NXPH1: variants seen among roughly 807,000 people sequenced by gnomAD.
NXPH1 encodes neurexophilin 1.
In NXPH1, 5 loss-of-function variants were observed where a neutral mutation model predicts 23.7. That is an observed-to-expected ratio of 0.21 (90% CI 0.11 to 0.44). The LOEUF is 0.44. NXPH1 is among the 20% of genes least tolerant of loss of function. The probability of loss-of-function intolerance (pLI) is 0.99; values close to 1 mark genes in which losing one functional copy is unlikely to be tolerated. For missense variants in NXPH1, 324 were observed against 321.6 expected, an observed-to-expected ratio of 1.01 and a Z score of -0.06; for synonymous variants, 144 against 122.2, an observed-to-expected ratio of 1.18 and a Z score of -1.18.
chr7:8,657,483 A>G (rs1279141277), intron 2 of NXPH1, among the ~76,000 whole-genome samples: 2 of 152,202 alleles, frequency 1.3e-5, no homozygotes, highest in African/African-American at 4.8e-5. Context: ...GCGAAAGTAG[A>G]GAAGCCCTGG....
intron 2 of NXPH1, among the ~76,000 whole-genome samples, chr7:8,466,352 G>C (rs924503502): frequency 6.6e-6 from 1 of 152,200 alleles, no homozygotes; most frequent in African/African-American, 2.4e-5. Context: ...ACATCAATTG[G>C]TATGGGAACG....
At chr7:8,502,113 T>C (rs1241454362) in intron 2 of NXPH1, among the ~76,000 whole-genome samples, 1 of 152,062 alleles carries the variant, frequency 6.6e-6, no homozygotes, top group Non-Finnish European at 1.5e-5. Context: ...TGTGGAACCG[T>C]GTGTAAGTCA....
intron 2 of NXPH1, among the ~76,000 whole-genome samples, chr7:8,504,555 C>A (rs1817490609): frequency 6.6e-6 from 1 of 152,034 alleles, no homozygotes; most frequent in African/African-American, 2.4e-5. Context: ...TTAGTCATGG[C>A]TGGGACATGT....
chr7:8,530,936 T>C (rs1401905409), intron 2 of NXPH1, among the ~76,000 whole-genome samples: 2 of 152,232 alleles, frequency 1.3e-5, no homozygotes, highest in Non-Finnish European at 2.9e-5. Context: ...GAGGTATATT[T>C]ATTCTGGGAT....
intron 2 of NXPH1, among the ~76,000 whole-genome samples, chr7:8,530,714 G>A (rs947013467): frequency 1.3e-5 from 2 of 152,186 alleles, no homozygotes; most frequent in African/African-American, 4.8e-5. Flanking sequence ...TGCCATGCAG[G>A]CCCTTGCCCA....
intron 2 of NXPH1, among the ~76,000 whole-genome samples, chr7:8,706,084 C>A (rs190214170): frequency 2.0e-5 from 3 of 152,138 alleles, no homozygotes; most frequent in African/African-American, 7.2e-5. Flanking sequence ...TCTTAAAAAC[C>A]CTTATAGGAG....
At chr7:8,460,237 A>G (rs949686886) in intron 2 of NXPH1, among the ~76,000 whole-genome samples, 1 of 152,156 alleles carries the variant, frequency 6.6e-6, no homozygotes, top group African/African-American at 2.4e-5. Context: ...AAAAAATTTT[A>G]CCTGAAATTT....
chr7:8,681,649 C>A (rs529851583), intron 2 of NXPH1, among the ~76,000 whole-genome samples: 1 of 152,162 alleles, frequency 6.6e-6, no homozygotes, highest in Non-Finnish European at 1.5e-5. Context: ...ACAGTCATAT[C>A]TAAATTTTGA....
intron 2 of NXPH1, among the ~76,000 whole-genome samples, chr7:8,574,447 T>C (rs1016345326): frequency 2.0e-5 from 3 of 152,050 alleles, no homozygotes; most frequent in Admixed American, 2.0e-4. Flanking sequence ...TATGGAGCCA[T>C]TACAGATTCA....
chr7:8,540,439 C>T (rs1308518589), intron 2 of NXPH1, among the ~76,000 whole-genome samples: 2 of 151,832 alleles, frequency 1.3e-5, no homozygotes, highest in Non-Finnish European at 1.5e-5. Context: ...GAAAAATAAA[C>T]AAGGTGAGCC....
In NXPH1 at chr7:8,442,938, C is replaced by T. The variant is rs1478522019; in HGVS notation, c.54+7171C>T. ...GCTATAAGATTTGATCGCGGGCAGGCGGGCGTGGGGCACGCCAGGGCCGGG... is the reference window on the plus strand; with the variant it reads ...GCTATAAGATTTGATCGCGGGCAGGTGGGCGTGGGGCACGCCAGGGCCGGG... On this transcript the variant is annotated intron_variant, in intron 2 of 2. Coordinates refer to ENST00000405863, the MANE Select transcript of NXPH1 (RefSeq NM_152745.3). The surrounding 1 kb of genome is among the most constrained non-coding windows in gnomAD (Gnocchi z 4.6). Among the ~76,000 whole-genome samples, 3 of 152,244 alleles carry T rather than the reference C, an allele frequency of 2.0e-5. No individual in the cohort carries two copies. The highest frequency in any genetic ancestry group is 4.4e-5 in the Non-Finnish European group (3 of 68,038).
rs1248838148 is a variant in NXPH1 at position 8,751,888 on chromosome 7, C to A, written c.*119C>A. On this transcript the variant is annotated 3_prime_UTR_variant, in exon 3 of 3. Transcript: ENST00000405863. The surrounding 1 kb of genome is among the most constrained non-coding windows in gnomAD (Gnocchi z 4.5). ...AATGTGTCTACACTGCTGCTCTTGT[C>A]AACTGGCTGCAAAATACACTAGTGG... The A allele has an allele frequency of 7.6e-6, 7 of 925,384 alleles. No individual in the cohort carries two copies. Among genetic ancestry groups the A allele is most frequent in the Non-Finnish European group, 1.1e-5 (7 of 637,200 alleles). The allele number at this position is 925,384 out of a possible 1,614,324, so 57.3% of individuals were successfully genotyped here. A position where few individuals can be genotyped will look rare whatever the true frequency, so the allele number is the denominator to read the frequency against.
chr7:8,493,645 T>C (rs888395158), intron 2 of NXPH1, among the ~76,000 whole-genome samples: 1 of 152,072 alleles, frequency 6.6e-6, no homozygotes, highest in Admixed American at 6.6e-5. Context: ...AGAAGAAAAT[T>C]AATTGCCTAC....
At chr7:8,618,408 C>T (rs185973052) in intron 2 of NXPH1, among the ~76,000 whole-genome samples, 22 of 152,264 alleles carry the variant, frequency 1.4e-4, no homozygotes, top group African/African-American at 5.1e-4. Context: ...AGCATCAACA[C>T]TGTGCTAAGA....
chr7:8,671,409 C>CT (rs1562449858), intron 2 of NXPH1, among the ~76,000 whole-genome samples: 2 of 152,142 alleles, frequency 1.3e-5, no homozygotes. Context: ...GACTTTCTGT[C>CT]TCATGTATTT....
At chr7:8,445,548 A>G (rs550640084) in intron 2 of NXPH1, among the ~76,000 whole-genome samples, 4 of 152,312 alleles carry the variant, frequency 2.6e-5, no homozygotes, top group Admixed American at 6.5e-5. Context: ...TTTTAATACA[A>G]TTGAAAACCG....
At chr7:8,720,696 C>T (rs1158537445) in intron 2 of NXPH1, among the ~76,000 whole-genome samples, 1 of 152,144 alleles carries the variant, frequency 6.6e-6, no homozygotes. Context: ...ATTAAACAGG[C>T]TAAATGACTT....
chr7:8,529,611 T>A (rs1817920857), intron 2 of NXPH1, among the ~76,000 whole-genome samples: 1 of 152,210 alleles, frequency 6.6e-6, no homozygotes, highest in Non-Finnish European at 1.5e-5. Context: ...TGCCAGTTAT[T>A]AAATTTATTA....
chr7:8,445,878 A>G (rs1228724722), intron 2 of NXPH1, among the ~76,000 whole-genome samples: 1 of 152,238 alleles, frequency 6.6e-6, no homozygotes, highest in African/African-American at 2.4e-5. Flanking sequence ...TTTCAGCTAC[A>G]GAATGAAAGT....
Sources: allele counts gnomAD v4.1 joint callset (sites outside exome capture counted in the v4.1 genomes callset), GRCh38; gene constraint gnomAD v4.1.1; non-coding constraint Gnocchi (gnomAD v3.1); transcripts MANE v1.5; gene names NCBI Gene and HGNC (gene_info 2026-07-23, HGNC 2026-07-21).